Variants in BPI observed in about 807,000 individuals in gnomAD.
The protein encoded by BPI is bactericidal permeability increasing protein.
BPI carries 48 observed loss-of-function variants against 57.6 expected under a neutral mutation model. That is an observed-to-expected ratio of 0.83 (90% confidence interval 0.66 to 1.06). The LOEUF is 1.06. Among genes scored for constraint, BPI ranks in the 50% least tolerant of loss-of-function variants. BPI has a pLI of 0.00. For synonymous variants in BPI, 237 were observed against 238.2 expected, an observed-to-expected ratio of 0.99 and a Z score of 0.05; for missense variants, 651 against 609.7, an observed-to-expected ratio of 1.07 and a Z score of -0.71.
intron 12 of BPI, 94 bp downstream of exon 12, chr20:38,331,184 A>G (rs2076740887): frequency 1.4e-6 from 2 of 1,421,136 alleles, no homozygotes; most frequent in Non-Finnish European, 2.0e-6. Context: ...TTAAGAGGCT[A>G]CTGGCTCATT....
intron 11 of BPI, among the ~76,000 whole-genome samples, chr20:38,330,827 A>G (rs1338016399): frequency 6.6e-6 from 1 of 152,214 alleles, no homozygotes; most frequent in Non-Finnish European, 1.5e-5. Flanking sequence ...TTTGGTCAGC[A>G]TGGCCCAGAG....
intron 7 of BPI, among the ~76,000 whole-genome samples, 156 bp downstream of exon 7, chr20:38,320,430 C>T (rs894289113): frequency 6.6e-5 from 10 of 152,006 alleles, no homozygotes; most frequent in Admixed American, 5.9e-4. Context: ...GCTCCAGTCA[C>T]ACTGGCCTCC....
rs1345708558 is a variant in BPI at position 38,334,616 on chromosome 20, A to G, written c.1336+123A>G. The G allele has an allele frequency of 7.4e-6, 7 of 946,278 alleles. No individual in the cohort carries two copies. In the East Asian group the frequency reaches 1.7e-4, roughly 23 times the overall value. 58.6% of individuals were successfully genotyped at this position (946,278 alleles called of 1,614,324 possible). A position where few individuals can be genotyped will look rare whatever the true frequency, so the allele number is the denominator to read the frequency against. On this transcript the variant is annotated intron_variant, in intron 13 of 14. Coordinates refer to ENST00000642449, the MANE Select transcript of BPI (RefSeq NM_001725.3). The stretch of plus-strand genomic sequence containing the variant: ...GCTGGGCAGTGGTGATGTCAAGTGA[A>G]CTTCAAATGGCATCTGACCCAGAAA...
chr20:38,319,133 G>T (rs1042557731), intron 6 of BPI, among the ~76,000 whole-genome samples: 1 of 152,196 alleles, frequency 6.6e-6, no homozygotes, highest in African/African-American at 2.4e-5. Context: ...TACTTAGGAG[G>T]CTGAGGCAGG....
chr20:38,312,556 A>T (rs895883235), intron 5 of BPI, among the ~76,000 whole-genome samples: 2 of 152,228 alleles, frequency 1.3e-5, no homozygotes, highest in African/African-American at 2.4e-5. Flanking sequence ...CTCAAAAAGC[A>T]AAGAGTTTTG....
intron 1 of BPI, among the ~76,000 whole-genome samples, chr20:38,305,716 C>A (rs1432797541): frequency 1.3e-5 from 2 of 152,226 alleles, no homozygotes; most frequent in Non-Finnish European, 2.9e-5. Flanking sequence ...CAAGTCACCT[C>A]AGCTTTCTGA....
At position 38,336,200 on chromosome 20, in the gene BPI, T is replaced by G. The variant is rs79247976; in HGVS notation, c.1413+526T>G. Among the ~76,000 whole-genome samples the G allele has an allele frequency of 8.3e-3, 1,260 of 151,978 alleles. 19 individuals carry two copies. The highest frequency in any genetic ancestry group is 0.029 in the African/African-American group (1,198 of 41,410). On this transcript the variant is annotated intron_variant, in intron 14 of 14. Transcript: ENST00000642449. Reference sequence around the variant, plus strand: ...TTCCAGCACTCCCCTAGCTCTTGGTTGTCTACCTGCCACCTCCTCTGCTTG... The same window carrying G: ...TTCCAGCACTCCCCTAGCTCTTGGTGGTCTACCTGCCACCTCCTCTGCTTG...
intron 7 of BPI, among the ~76,000 whole-genome samples, chr20:38,322,213 C>T (rs1415675810): frequency 3.3e-5 from 5 of 152,158 alleles, no homozygotes; most frequent in Admixed American, 2.0e-4. Context: ...GTAACCAAAG[C>T]TGCAGTGATC....
intron 4 of BPI, 52 bp from the exon 5 acceptor site, chr20:38,311,822 G>A: frequency 6.3e-7 from 1 of 1,581,970 alleles, no homozygotes; most frequent in Non-Finnish European, 8.7e-7. Context: ...CCTGAATCCA[G>A]CCCAGGGACA....
chr20:38,329,218 C>T (rs1285899686), intron 11 of BPI, among the ~76,000 whole-genome samples: 6 of 151,216 alleles, frequency 4.0e-5, no homozygotes, highest in Middle Eastern at 6.8e-3. Context: ...GGGAGGGAGT[C>T]GGGGGGCAGA....
intron 13 of BPI, among the ~76,000 whole-genome samples, chr20:38,334,730 A>G (rs1436764645): frequency 1.3e-5 from 2 of 152,220 alleles, no homozygotes; most frequent in South Asian, 2.1e-4. Context: ...CAAAACCCCC[A>G]TGAGATGAAG....
chr20:38,323,248 T>A (rs1312312769), intron 7 of BPI, among the ~76,000 whole-genome samples: 1 of 152,230 alleles, frequency 6.6e-6, no homozygotes, highest in Admixed American at 6.5e-5. Flanking sequence ...TGTATCCATC[T>A]ATAATTTGGT....
chr20:38,307,419 A>G (rs2076602050), intron 1 of BPI, 148 bp from the exon 2 acceptor site: 1 of 573,508 alleles, frequency 1.7e-6, no homozygotes, highest in Non-Finnish European at 3.0e-6. Context: ...GGCCTTTTCT[A>G]GGAAACCTTA....
chr20:38,325,825 T>C (rs906742821), intron 9 of BPI, among the ~76,000 whole-genome samples: 13 of 152,084 alleles, frequency 8.5e-5, no homozygotes, highest in South Asian at 2.1e-4. Context: ...TGGGTTTACC[T>C]GGGGGAAGAT....
At chr20:38,331,013 T>C (rs1248466589) in intron 11 of BPI, 35 bp from the exon 12 acceptor site, 2 of 1,610,782 alleles carry the variant, frequency 1.2e-6, no homozygotes, top group Non-Finnish European at 1.7e-6. Context: ...AGTCAGGCAA[T>C]TGGTGGTCTC....
chr20:38,334,218 T>C (rs550413272), intron 12 of BPI, among the ~76,000 whole-genome samples: 25 of 152,304 alleles, frequency 1.6e-4, no homozygotes, highest in Middle Eastern at 3.4e-3. Flanking sequence ...TCTGGAACCA[T>C]TGGAGCAAAA....
intron 11 of BPI, among the ~76,000 whole-genome samples, chr20:38,327,894 G>A (rs1192075007): frequency 1.3e-5 from 2 of 152,140 alleles, no homozygotes; most frequent in African/African-American, 4.8e-5. Context: ...AACCATCTCA[G>A]CTTACCCATA....
chr20:38,324,671 T>C, intron 8 of BPI, 103 bp from the exon 9 acceptor site: 2 of 946,968 alleles, frequency 2.1e-6, no homozygotes, highest in Non-Finnish European at 1.7e-6. Flanking sequence ...GGCTGGCCAC[T>C]GTCTGTGTGT....
At position 38,304,286 on chromosome 20, in the gene BPI, C is replaced by T. The variant is rs1165424262; in HGVS notation, c.63C>T (p.Gly21=). Residue 21 remains glycine (G), a synonymous_variant, in exon 1 of 15, where the codon GGC becomes GGT. Coordinates refer to ENST00000642449, the MANE Select transcript of BPI (RefSeq NM_001725.3). The part of the protein sequence containing the change: ...WASLMVLVAI[G]TAVTAAVNPG... ...CCCTGATGGTGCTGGTCGCCATAGG[C>T]ACCGCCGTGACAGCGGCCGTCAACC... The T allele has an allele frequency of 6.2e-7, 1 of 1,614,154 alleles. No individual in the cohort carries two copies.
Sources: gnomAD v4.1 joint callset for allele counts (sites outside exome capture counted in the v4.1 genomes callset) on GRCh38, gnomAD v4.1.1 for gene constraint, MANE v1.5 for transcripts, NCBI Gene and HGNC (gene_info 2026-07-23, HGNC 2026-07-21) for gene names.